Variants in PLCL1 observed in about 807,000 individuals in gnomAD.
PLCL1 encodes inactive phospholipase C-like protein 1.
In PLCL1, 41 loss-of-function variants were observed where a neutral mutation model predicts 84.4. The observed-to-expected ratio is 0.49, with a 90% CI of 0.38 to 0.63. The LOEUF is 0.63. Among genes scored for constraint, PLCL1 ranks in the 30% least tolerant of loss-of-function variants. The pLI, the probability that PLCL1 is intolerant of heterozygous loss-of-function variation, is 0.00. For missense variants in PLCL1, 1,206 were observed against 1,367.8 expected, an observed-to-expected ratio of 0.88 and a Z score of 1.87; for synonymous variants, 490 against 488.3, an observed-to-expected ratio of 1.00 and a Z score of -0.05.
chr2:197,897,180 CTTCTTCTT>C (rs1688162815), intron 1 of PLCL1, among the ~76,000 whole-genome samples: 4 of 26,174 alleles, frequency 1.5e-4, no homozygotes, highest in African/African-American at 1.1e-3. Flanking sequence ...TCTTCTTCTT[CTTCTTCTT>C]CTCCTTCTCC....
At chr2:197,874,647 G>T (rs1007681708) in intron 1 of PLCL1, among the ~76,000 whole-genome samples, 3 of 152,176 alleles carry the variant, frequency 2.0e-5, no homozygotes, top group Non-Finnish European at 2.9e-5. Flanking sequence ...TTGATACACA[G>T]GTGTTTTAGA....
chr2:198,132,483 T>C (rs1219783760), intron 5 of PLCL1, among the ~76,000 whole-genome samples: 3 of 152,046 alleles, frequency 2.0e-5, no homozygotes, highest in Non-Finnish European at 2.9e-5. Flanking sequence ...ATATTCAAAG[T>C]TCTAAGAAAT....
At chr2:198,043,818 C>A (rs139295785) in intron 1 of PLCL1, among the ~76,000 whole-genome samples, 1 of 150,232 alleles carries the variant, frequency 6.7e-6, no homozygotes, top group Non-Finnish European at 1.5e-5. Flanking sequence ...TGGTGAGATC[C>A]AAAAATTGCT....
chr2:197,967,008 C>G (rs1365379223), intron 1 of PLCL1, among the ~76,000 whole-genome samples: 1 of 151,582 alleles, frequency 6.6e-6, no homozygotes, highest in Non-Finnish European at 1.5e-5. Context: ...GGCCCTGTAG[C>G]TAGAGTAAGG....
chr2:198,111,262 T>C (rs1162023071), intron 5 of PLCL1, among the ~76,000 whole-genome samples: 1 of 151,890 alleles, frequency 6.6e-6, no homozygotes, highest in African/African-American at 2.4e-5. Flanking sequence ...TAATGGGGAC[T>C]CCATCCCAGC....
intron 1 of PLCL1, among the ~76,000 whole-genome samples, chr2:197,937,774 C>A (rs1158824254): frequency 2.6e-5 from 4 of 152,088 alleles, no homozygotes; most frequent in African/African-American, 9.7e-5. Flanking sequence ...CAGTCAGGTG[C>A]TTTACAAAAG....
intron 1 of PLCL1, among the ~76,000 whole-genome samples, chr2:198,075,896 G>A (rs544612321): frequency 5.4e-4 from 82 of 152,282 alleles, no homozygotes; most frequent in African/African-American, 1.9e-3. Flanking sequence ...ACAATGCATA[G>A]CCCAGAGTAG....
chr2:197,864,583 C>A (rs1030365727), intron 1 of PLCL1, among the ~76,000 whole-genome samples: 112 of 151,596 alleles, frequency 7.4e-4, no homozygotes, highest in African/African-American at 2.7e-3. Flanking sequence ...TGGGCTCAAG[C>A]AATCTTCCTA....
intron 1 of PLCL1, among the ~76,000 whole-genome samples, chr2:198,079,351 A>G (rs1389065544): frequency 6.6e-6 from 1 of 151,930 alleles, no homozygotes; most frequent in Non-Finnish European, 1.5e-5. Context: ...TCATTTAATC[A>G]TGATTGGTAT....
At chr2:198,016,173 C>T (rs1299994427) in intron 1 of PLCL1, among the ~76,000 whole-genome samples, 1 of 152,050 alleles carries the variant, frequency 6.6e-6, no homozygotes, top group Non-Finnish European at 1.5e-5. Flanking sequence ...TCAGTAGTAA[C>T]ACATTTGAAG....
intron 1 of PLCL1, among the ~76,000 whole-genome samples, chr2:197,812,892 C>G (rs1161078466): frequency 2.6e-5 from 4 of 152,168 alleles, no homozygotes; most frequent in Admixed American, 6.5e-5. Context: ...CTAGACCTGA[C>G]CATGTTGTAG....
intron 5 of PLCL1, among the ~76,000 whole-genome samples, chr2:198,140,124 G>A (rs555165650): frequency 6.6e-6 from 1 of 152,140 alleles, no homozygotes; most frequent in South Asian, 2.1e-4. Flanking sequence ...AGTAGAGACG[G>A]AGTTTCACCA....
At chr2:197,858,358 G>T (rs187201053) in intron 1 of PLCL1, among the ~76,000 whole-genome samples, 4 of 152,180 alleles carry the variant, frequency 2.6e-5, no homozygotes, top group Admixed American at 2.6e-4. Context: ...GAGGCTTAGC[G>T]AATCAAGCCC....
chr2:198,098,318 T>A (rs956115729), intron 3 of PLCL1, among the ~76,000 whole-genome samples: 4 of 152,212 alleles, frequency 2.6e-5, no homozygotes, highest in African/African-American at 9.6e-5. Flanking sequence ...CTATGTTTCA[T>A]ATGAAAAAAT....
intron 5 of PLCL1, among the ~76,000 whole-genome samples, chr2:198,139,616 G>A (rs58701836): frequency 0.1 from 15,294 of 151,982 alleles, 1,896 homozygotes; most frequent in African/African-American, 0.3. Flanking sequence ...AATAATACAT[G>A]AATAGGTTAT....
At chr2:197,806,162 T>C (rs920820988) in intron 1 of PLCL1, among the ~76,000 whole-genome samples, 1 of 152,196 alleles carries the variant, frequency 6.6e-6, no homozygotes, top group East Asian at 1.9e-4. Flanking sequence ...GCACAGGCTC[T>C]GGAAAAGGGC....
chr2:198,083,337 T>G (rs1312219827), intron 1 of PLCL1, among the ~76,000 whole-genome samples: 1 of 152,186 alleles, frequency 6.6e-6, no homozygotes, highest in Non-Finnish European at 1.5e-5. Context: ...ACCTTTTATT[T>G]AAATCAACTT....
rs546204417 is a variant in PLCL1, at chr2:197,986,023, C to T, written c.241-97735C>T. ...GGCATTTGGACAGGACCAAAACCTT[C>T]TGTGGTTCAGTTTCAGAGTGGGGAG... On this transcript the variant is annotated intron_variant, in intron 1 of 5. Coordinates refer to ENST00000428675, the MANE Select transcript of PLCL1 (RefSeq NM_006226.4). 5.9e-5 allele frequency among the ~76,000 whole-genome samples: 9 copies of T among 152,310 alleles called. No homozygotes were observed. In the South Asian group the frequency reaches 1.9e-3, roughly 32 times the overall value.
At chr2:197,974,880 G>T (rs893977135) in intron 1 of PLCL1, among the ~76,000 whole-genome samples, 1 of 152,106 alleles carries the variant, frequency 6.6e-6, no homozygotes, top group Non-Finnish European at 1.5e-5. Flanking sequence ...AGTGGCTCAC[G>T]CCTGTAATCC....
Sources: gnomAD v4.1 joint callset for allele counts (sites outside exome capture counted in the v4.1 genomes callset) on GRCh38, gnomAD v4.1.1 for gene constraint, MANE v1.5 for transcripts, NCBI Gene and HGNC (gene_info 2026-07-23, HGNC 2026-07-21) for gene names.